The following RAB3GAP1 variants were observed in gnomAD, a reference collection of about 807,000 sequenced individuals.
RAB3GAP1 encodes rab3 GTPase-activating protein catalytic subunit.
In RAB3GAP1, 86 loss-of-function variants were observed where a neutral mutation model predicts 130.7. That is an observed-to-expected ratio of 0.66 (90% CI 0.55 to 0.79). The LOEUF is 0.79. RAB3GAP1 is among the 30% of genes least tolerant of loss of function. The probability of loss-of-function intolerance (pLI) is 0.00; values close to 1 mark genes in which losing one functional copy is unlikely to be tolerated. For synonymous variants in RAB3GAP1, 367 were observed against 401.7 expected (o/e 0.91, Z 1.03); for missense variants, 1,029 against 1,169.4 (o/e 0.88, Z 1.75).
chr2:135,147,135 C>T (rs1692021445), intron 17 of RAB3GAP1, among the ~76,000 whole-genome samples: 1 of 152,082 alleles, frequency 6.6e-6, no homozygotes, highest in Non-Finnish European at 1.5e-5. Flanking sequence ...CACCTGAGGT[C>T]AGGAGTCCAA....
rs1473441707 is a variant in RAB3GAP1, at chr2:135,169,912, C to T, written c.*1131C>T. On this transcript the variant is annotated 3_prime_UTR_variant, in exon 24 of 24. Transcript: ENST00000264158. ...CAAAGTAAAAATGGTTATACTGAAG[C>T]ATAAACCTTGCCTGTGTAATTTTAA... is the stretch of plus-strand genomic sequence containing the variant. 3.0e-6 allele frequency: 1 copy of T among 338,010 alleles called. No homozygotes were observed. The highest frequency in any genetic ancestry group is 2.2e-5 in the African/African-American group (1 of 45,558). 20.9% of individuals were successfully genotyped at this position (338,010 alleles called of 1,614,324 possible).
At chr2:135,125,634 A>T (rs571580439) in intron 9 of RAB3GAP1, among the ~76,000 whole-genome samples, 5 of 152,348 alleles carry the variant, frequency 3.3e-5, no homozygotes, top group Admixed American at 2.0e-4. Context: ...CTGATCACCA[A>T]GACAGTTACT....
At chr2:135,149,343 A>G (rs1186385312) in intron 17 of RAB3GAP1, among the ~76,000 whole-genome samples, 1 of 152,190 alleles carries the variant, frequency 6.6e-6, no homozygotes, top group East Asian at 1.9e-4. Flanking sequence ...CTATAATATA[A>G]CCTAAGTATT....
In RAB3GAP1 at chr2:135,169,503, T is replaced by C. The variant is rs574548089; in HGVS notation, c.*722T>C. On this transcript the variant is annotated 3_prime_UTR_variant, in exon 24 of 24. Transcript: ENST00000264158. ...TTACTTATTTTTCTTTTGGTTGCCA[T>C]GGAAGTTATGGCCCTGAAAATCGTC... is the stretch of plus-strand genomic sequence containing the variant. 1 of 182,118 alleles carries C rather than the reference T, an allele frequency of 5.5e-6. No homozygotes were observed. The highest frequency in any genetic ancestry group is 5.8e-5 in the Admixed American group (1 of 17,296). 11.3% of individuals were successfully genotyped at this position (182,118 alleles called of 1,614,324 possible).
At chr2:135,125,765 A>G (rs1483699019) in intron 9 of RAB3GAP1, among the ~76,000 whole-genome samples, 1 of 152,204 alleles carries the variant, frequency 6.6e-6, no homozygotes, top group Non-Finnish European at 1.5e-5. Context: ...ATGCAACTTT[A>G]AATTTATGGA....
intron 4 of RAB3GAP1, among the ~76,000 whole-genome samples, chr2:135,092,212 A>G (rs1690162914): frequency 6.6e-6 from 1 of 152,116 alleles, no homozygotes; most frequent in African/African-American, 2.4e-5. Context: ...GGAAGAGGGA[A>G]GTGTGCGCAA....
At chr2:135,107,458 T>G (rs1415545814) in intron 5 of RAB3GAP1, among the ~76,000 whole-genome samples, 1 of 151,912 alleles carries the variant, frequency 6.6e-6, no homozygotes, top group African/African-American at 2.4e-5. Flanking sequence ...TATATAAAAT[T>G]GGTAGATTTT....
rs187447503 is a variant in RAB3GAP1 at position 135,086,109 on chromosome 2, C to G, written c.151-4889C>G. 4.7e-4 allele frequency among the ~76,000 whole-genome samples: 72 copies of G among 152,254 alleles called. 1 individual carries two copies. Among genetic ancestry groups the G allele is most frequent in the Admixed American group, 1.9e-3 (29 of 15,288 alleles). On this transcript the variant is annotated intron_variant, in intron 3 of 23. Transcript: ENST00000264158. The stretch of plus-strand genomic sequence containing the variant: ...TGATTCTTTTTATTCTATAACTATA[C>G]CACAGTACACTATCCTTTCTCCTAT...
At chr2:135,086,681 T>G (rs1689993580) in intron 3 of RAB3GAP1, among the ~76,000 whole-genome samples, 1 of 139,136 alleles carries the variant, frequency 7.2e-6, no homozygotes, top group Admixed American at 7.0e-5. Flanking sequence ...TTTTTTTTTT[T>G]TTTTTCCTTA....
rs776821620 is a variant in RAB3GAP1, at chr2:135,052,432, C to T, written c.21C>T (p.Pro7=). The part of the protein sequence containing the change: MAADSE[P]ESEVFEITDF... ...TTCTCTCCTTCCCCTTCCCGCAGCC[C>T]GAATCCGAGGTATTTGAGATCACGG... Residue 7 remains proline (P), a splice_region_variant and synonymous_variant, in exon 2 of 24, where the codon CCC becomes CCT. Coordinates refer to ENST00000264158, the MANE Select transcript of RAB3GAP1 (RefSeq NM_012233.3). The T allele has an allele frequency of 1.1e-5, 17 of 1,613,976 alleles. No individual in the cohort carries two copies. The highest frequency in any genetic ancestry group is 9.3e-5 in the African/African-American group (7 of 74,902).
At chr2:135,099,011 T>G (rs1297800155) in intron 5 of RAB3GAP1, among the ~76,000 whole-genome samples, 1 of 152,176 alleles carries the variant, frequency 6.6e-6, no homozygotes, top group African/African-American at 2.4e-5. Flanking sequence ...TGTGCTTTTT[T>G]AAAAATATGT....
Position 135,130,649 on chromosome 2 carries a change from G to A in RAB3GAP1, c.1164G>A (p.Lys388=). The A allele has an allele frequency of 6.2e-7, 1 of 1,613,830 alleles. No individual in the cohort carries two copies. Among genetic ancestry groups the A allele is most frequent in the Non-Finnish European group, 8.5e-7 (1 of 1,179,806 alleles). ...TTTCAAATATGGTACACACTGCAAA[G>A]AAGAAAATCCGAAAACACAGAGGTG... is the stretch of plus-strand genomic sequence containing the variant. ...LSVSNMVHTA[K]KKIRKHRGVE... Residue 388 remains lysine, a synonymous_variant, in exon 13 of 24, where the codon AAG becomes AAA. Transcript: ENST00000264158.
intron 17 of RAB3GAP1, among the ~76,000 whole-genome samples, chr2:135,149,496 C>T (rs1484268783): frequency 6.6e-6 from 1 of 152,212 alleles, no homozygotes. Flanking sequence ...AGCCCAAGCT[C>T]TTAACCATTA....
intron 5 of RAB3GAP1, among the ~76,000 whole-genome samples, chr2:135,104,675 A>C (rs2104896753): frequency 6.6e-6 from 1 of 152,008 alleles, no homozygotes; most frequent in African/African-American, 2.4e-5. Flanking sequence ...CAACATGGTG[A>C]AACCCTGTCT....
chr2:135,103,951 A>G (rs549881813), intron 5 of RAB3GAP1, among the ~76,000 whole-genome samples: 1 of 152,322 alleles, frequency 6.6e-6, no homozygotes, highest in East Asian at 1.9e-4. Flanking sequence ...AACTACATAT[A>G]TGCAGGAGAG....
intron 7 of RAB3GAP1, among the ~76,000 whole-genome samples, chr2:135,115,971 G>T (rs1690959165): frequency 6.6e-6 from 1 of 152,136 alleles, no homozygotes; most frequent in South Asian, 2.1e-4. Context: ...GGCTGATGAG[G>T]GCTTAAGTTG....
chr2:135,098,468 G>A (rs60629762), intron 5 of RAB3GAP1, among the ~76,000 whole-genome samples: 6,732 of 152,000 alleles, frequency 0.044, 507 homozygotes, highest in African/African-American at 0.16. Context: ...TGTGCTTTTG[G>A]TGCCATGTCT....
chr2:135,080,132 A>AG (rs1689750858), intron 3 of RAB3GAP1, among the ~76,000 whole-genome samples: 1 of 151,934 alleles, frequency 6.6e-6, no homozygotes, highest in Admixed American at 6.6e-5. Context: ...AAAAAAAAAA[A>AG]AAAAAATGAG....
chr2:135,108,423 C>G (rs1410738152), intron 5 of RAB3GAP1, among the ~76,000 whole-genome samples: 1 of 151,986 alleles, frequency 6.6e-6, no homozygotes, highest in African/African-American at 2.4e-5. Flanking sequence ...ATTTCACTTC[C>G]CTGATTACAT....
Sources: gnomAD v4.1 joint callset for allele counts (sites outside exome capture counted in the v4.1 genomes callset) on GRCh38, gnomAD v4.1.1 for gene constraint, MANE v1.5 for transcripts, NCBI Gene and HGNC (gene_info 2026-07-23, HGNC 2026-07-21) for gene names.